SRGAP1: variants seen among roughly 807,000 people sequenced by gnomAD.
The protein encoded by SRGAP1 is SLIT-ROBO Rho GTPase-activating protein 1.
SRGAP1 carries 43 observed loss-of-function variants against 121.9 expected under a neutral mutation model. That is an observed-to-expected ratio of 0.35 (90% CI 0.28 to 0.46). The LOEUF is 0.46. Ranked by LOEUF, SRGAP1 falls within the 20% of genes least tolerant of loss-of-function variation. The pLI, the probability that SRGAP1 is intolerant of heterozygous loss-of-function variation, is 1.00. For synonymous variants in SRGAP1, 447 were observed against 485.4 expected, an observed-to-expected ratio of 0.92 and a Z score of 1.04; for missense variants, 1,102 against 1,350.9, an observed-to-expected ratio of 0.82 and a Z score of 2.89.
At chr12:64,055,793 C>T (rs572013813) in intron 6 of SRGAP1, among the ~76,000 whole-genome samples, 5 of 152,244 alleles carry the variant, frequency 3.3e-5, no homozygotes, top group African/African-American at 1.2e-4. Context: ...TCTCAGTCTC[C>T]AGTGTTCACT....
chr12:63,904,042 A>G (rs546463122), intron 1 of SRGAP1, among the ~76,000 whole-genome samples: 2 of 152,186 alleles, frequency 1.3e-5, no homozygotes, highest in Non-Finnish European at 1.5e-5. Flanking sequence ...CACTTAAGAA[A>G]TGAAATGTTA....
intron 21 of SRGAP1, among the ~76,000 whole-genome samples, chr12:64,138,448 T>C (rs1359200157): frequency 4.7e-5 from 2 of 42,710 alleles, no homozygotes; most frequent in African/African-American, 1.8e-4. Context: ...TAAATTGACT[T>C]TTTTTTTTTT....
chr12:63,854,023 G>T (rs887373996), intron 1 of SRGAP1, among the ~76,000 whole-genome samples: 3 of 152,152 alleles, frequency 2.0e-5, no homozygotes, highest in Non-Finnish European at 4.4e-5. Context: ...TTGCTTGCTT[G>T]CTTTGTGAAA....
At chr12:63,950,298 A>G (rs2032245391) in intron 1 of SRGAP1, among the ~76,000 whole-genome samples, 1 of 152,200 alleles carries the variant, frequency 6.6e-6, no homozygotes, top group South Asian at 2.1e-4. Context: ...TCAGAGAACT[A>G]GACAGTTCTT....
At chr12:64,032,577 GCACATAA>G in intron 4 of SRGAP1, 1 of 810,954 alleles carries the variant, frequency 1.2e-6, no homozygotes, top group Non-Finnish European at 2.0e-6. Context: ...ACCTAGCTCT[GCACATAA>G]GTCCTGCCCC....
rs1342222452 is a variant in SRGAP1 at position 64,150,667 on chromosome 12, G to A, written c.*7995G>A. 1.5e-5 allele frequency: 1 copy of A among 65,964 alleles called. No individual in the cohort carries two copies. Among genetic ancestry groups the A allele is most frequent in the Non-Finnish European group, 4.2e-5 (1 of 23,626 alleles). 4.1% of individuals were successfully genotyped at this position (65,964 alleles called of 1,614,324 possible). On this transcript the variant is annotated 3_prime_UTR_variant, in exon 22 of 22. Transcript: ENST00000355086. ...CTGCATCTATTAAAAACAAAAAGTG[G>A]TGTCTCATGCCTGTAATCCCAGCAC... is the stretch of plus-strand genomic sequence containing the variant.
intron 1 of SRGAP1, among the ~76,000 whole-genome samples, chr12:63,850,985 G>C (rs1257460535): frequency 6.6e-6 from 1 of 150,392 alleles, no homozygotes; most frequent in East Asian, 2.0e-4. Flanking sequence ...GTGAAATCTC[G>C]TCTCTACTAA....
chr12:63,916,140 C>T (rs377748188), intron 1 of SRGAP1, among the ~76,000 whole-genome samples: 1 of 151,152 alleles, frequency 6.6e-6, no homozygotes, highest in African/African-American at 2.4e-5. Flanking sequence ...TAGAGCGATC[C>T]TCCCACCTCA....
chr12:63,990,208 A>C, intron 3 of SRGAP1, 136 bp downstream of exon 3: 1 of 707,646 alleles, frequency 1.4e-6, no homozygotes, highest in Non-Finnish European at 2.3e-6. Context: ...TAAAAATTAG[A>C]TGAATGGATG....
At chr12:64,098,669 C>CAAAAA (rs569203182) in intron 15 of SRGAP1, among the ~76,000 whole-genome samples, 1 of 143,068 alleles carries the variant, frequency 7.0e-6, no homozygotes, top group African/African-American at 2.8e-5. Context: ...GACTCTGTCT[C>CAAAAA]AAAAAAAAAT....
In SRGAP1 at chr12:64,078,447, T is replaced by A. The variant is rs962636019; in HGVS notation, c.1126-472T>A. ...AAGAAAGGGCAAAGCTAATATCTAA[T>A]CTTAGAAGTCCAGTTAATGGAGAAG... On this transcript the variant is annotated intron_variant, in intron 8 of 21. Coordinates refer to ENST00000355086, the MANE Select transcript of SRGAP1 (RefSeq NM_020762.4). Among the ~76,000 whole-genome samples the A allele has an allele frequency of 3.9e-5, 6 of 152,152 alleles. No individual in the cohort carries two copies. The East Asian group carries it at 1.2e-3, about 29-fold the overall frequency.
intron 1 of SRGAP1, among the ~76,000 whole-genome samples, chr12:63,979,038 CTTTTTTT>C (rs34235730): frequency 3.7e-5 from 3 of 82,116 alleles, no homozygotes; most frequent in Admixed American, 1.7e-4. Flanking sequence ...ACCCTTTGAC[CTTTTTTT>C]TTTTTTTTTT....
chr12:64,068,733 G>A (rs2035586718), intron 8 of SRGAP1, among the ~76,000 whole-genome samples: 1 of 151,890 alleles, frequency 6.6e-6, no homozygotes, highest in Non-Finnish European at 1.5e-5. Flanking sequence ...ATGCAGGGTG[G>A]GCACAGTGGC....
intron 1 of SRGAP1, among the ~76,000 whole-genome samples, chr12:63,917,965 TA>T (rs1279916526): frequency 6.6e-6 from 1 of 152,234 alleles, no homozygotes; most frequent in African/African-American, 2.4e-5. Context: ...AATGCAAGAT[TA>T]TATTGTGCCA....
intron 15 of SRGAP1, among the ~76,000 whole-genome samples, chr12:64,105,049 A>G (rs979652518): frequency 2.0e-5 from 3 of 152,098 alleles, no homozygotes; most frequent in African/African-American, 7.2e-5. Flanking sequence ...CTCATCAAAC[A>G]ATAACTCCCC....
chr12:63,930,912 A>G (rs2031454475), intron 1 of SRGAP1, among the ~76,000 whole-genome samples: 1 of 152,162 alleles, frequency 6.6e-6, no homozygotes, highest in African/African-American at 2.4e-5. Context: ...TTTTTATGTA[A>G]CTAATTTTGT....
intron 1 of SRGAP1, among the ~76,000 whole-genome samples, chr12:63,960,915 G>GCTT (rs58565690): frequency 3.7e-4 from 56 of 152,300 alleles, no homozygotes; most frequent in African/African-American, 1.3e-3. Flanking sequence ...CCTTCCTGAT[G>GCTT]CTTTGGTATT....
rs1053382274 is a variant in SRGAP1, at chr12:64,126,273, T to G, written c.2405+116T>G. On this transcript the variant is annotated intron_variant, in intron 19 of 21. Coordinates refer to ENST00000355086, the MANE Select transcript of SRGAP1 (RefSeq NM_020762.4). ...GCAGAAGGGATTACAGAGATAAAACTTCAGAGCTAGGCACAGTTCCTTACC... is the reference window on the plus strand; with the variant it reads ...GCAGAAGGGATTACAGAGATAAAACGTCAGAGCTAGGCACAGTTCCTTACC... The G allele has an allele frequency of 1.0e-5, 12 of 1,192,390 alleles. No homozygotes were observed. In the African/African-American group the frequency reaches 1.2e-4, roughly 12 times the overall value. The allele number at this position is 1,192,390 out of a possible 1,614,324, so 73.9% of individuals were successfully genotyped here.
intron 3 of SRGAP1, among the ~76,000 whole-genome samples, chr12:63,999,611 G>A (rs1051586869): frequency 6.6e-6 from 1 of 152,130 alleles, no homozygotes; most frequent in East Asian, 1.9e-4. Context: ...GGCTTGGGCA[G>A]TTGTCAGGGT....
Sources: gnomAD v4.1 joint callset for allele counts (sites outside exome capture counted in the v4.1 genomes callset) on GRCh38, gnomAD v4.1.1 for gene constraint, MANE v1.5 for transcripts, NCBI Gene and HGNC (gene_info 2026-07-23, HGNC 2026-07-21) for gene names.